PARP4: variants seen among roughly 807,000 people sequenced by gnomAD.
PARP4 encodes the protein poly(ADP-ribose) polymerase family member 4, also known as protein mono-ADP-ribosyltransferase PARP4.
In PARP4, 120 loss-of-function variants were observed where a neutral mutation model predicts 187.7. The observed-to-expected ratio is 0.64, with a 90% CI of 0.55 to 0.74. The LOEUF (loss-of-function observed/expected upper bound fraction) is 0.74, where lower values mean the gene tolerates loss of function less well. PARP4 is among the 30% of genes least tolerant of loss of function. The pLI is 0.00. For missense variants in PARP4, 1,836 were observed against 2,070.5 expected (o/e 0.89, Z 2.20); for synonymous variants, 654 against 740.9 (o/e 0.88, Z 1.90).
intron 1 of PARP4, 50 bp downstream of exon 1, chr13:24,512,656 C>T (rs1870084171): frequency 6.6e-6 from 1 of 152,588 alleles, no homozygotes; most frequent in South Asian, 2.1e-4. Flanking sequence ...CACTTCCTGG[C>T]TAGGACTACA....
chr13:24,477,878 T>G (rs768193122), intron 13 of PARP4, 21 bp from the exon 14 acceptor site: 3 of 1,528,114 alleles, frequency 2.0e-6, no homozygotes, highest in East Asian at 4.6e-5. Context: ...CAGAAATCAG[T>G]AGGTGATTAA....
chr13:24,427,698 G>A (rs368575234), intron 32 of PARP4, among the ~76,000 whole-genome samples: 1 of 152,040 alleles, frequency 6.6e-6, no homozygotes, highest in South Asian at 2.1e-4. Flanking sequence ...AAAACTGCTC[G>A]TAAGTGGGCT....
chr13:24,466,581 G>A (rs182636818), intron 17 of PARP4, among the ~76,000 whole-genome samples: 48 of 152,170 alleles, frequency 3.2e-4, no homozygotes, highest in African/African-American at 1.1e-3. Context: ...AATCACTTGA[G>A]GTTAGCGGTT....
chr13:24,494,905 T>C (rs1324415041), intron 6 of PARP4, among the ~76,000 whole-genome samples, 183 bp from the exon 7 acceptor site: 3 of 151,506 alleles, frequency 2.0e-5, no homozygotes, highest in Non-Finnish European at 2.9e-5. Context: ...AGGGTCTTGC[T>C]CTGTCGCCCA....
intron 1 of PARP4, 56 bp from the exon 2 acceptor site, chr13:24,503,833 T>G (rs1869451242): frequency 6.8e-7 from 1 of 1,471,600 alleles, no homozygotes; most frequent in African/African-American, 1.4e-5. Context: ...ACAGTGAATT[T>G]AGAATTATTA....
At chr13:24,510,410 C>T (rs1034828422) in intron 1 of PARP4, among the ~76,000 whole-genome samples, 27 of 151,894 alleles carry the variant, frequency 1.8e-4, no homozygotes, top group African/African-American at 5.6e-4. Context: ...AAAAATTAGC[C>T]GGGCGTAGTG....
chr13:24,484,608 C>T (rs187963468), intron 12 of PARP4, 45 bp downstream of exon 12: 18 of 1,274,286 alleles, frequency 1.4e-5, no homozygotes, highest in Admixed American at 1.4e-4. Context: ...AGAAAATACA[C>T]AGCAAGTATT....
At chr13:24,468,175 T>G (rs1448854716) in intron 17 of PARP4, among the ~76,000 whole-genome samples, 1 of 152,172 alleles carries the variant, frequency 6.6e-6, no homozygotes, top group African/African-American at 2.4e-5. Context: ...ATCTAGCACC[T>G]GCCAGAGGCC....
At position 24,494,721 on chromosome 13, in the gene PARP4, G is replaced by C; in HGVS notation, c.593C>G (p.Thr198Ser). 3 of 1,598,296 alleles carry C rather than the reference G, an allele frequency of 1.9e-6. No individual in the cohort carries two copies. Among genetic ancestry groups the C allele is most frequent in the Non-Finnish European group, 2.6e-6 (3 of 1,170,156 alleles). Reference sequence around the variant, plus strand: ...TTTCTTTATAGCAAACTGTCTTCTAGTCTGTGAATTATGGTGTATAGCAAA... The same window carrying C: ...TTTCTTTATAGCAAACTGTCTTCTACTCTGTGAATTATGGTGTATAGCAAA... ...SHFLLDDGME[T>S]RRQFAIKKTS... The change falls in exon 7 of 34, where the codon ACT becomes AGT. Residue 198 changes from threonine to serine, a missense_variant and splice_region_variant. Thr to Ser is a moderately conservative substitution (Grantham distance 58). Around this residue, in one of 8 missense-constraint regions of PARP4, gnomAD observed 1,147 missense variants for 1,214.2 expected, o/e 0.94. Transcript: ENST00000381989.
At chr13:24,473,386 A>G (rs1872819190) in intron 15 of PARP4, among the ~76,000 whole-genome samples, 2 of 152,208 alleles carry the variant, frequency 1.3e-5, no homozygotes, top group Non-Finnish European at 2.9e-5. Flanking sequence ...AATGTTAAAT[A>G]AATAAGGGCA....
At chr13:24,452,997 C>T (rs1871609996) in intron 23 of PARP4, among the ~76,000 whole-genome samples, 1 of 152,030 alleles carries the variant, frequency 6.6e-6, no homozygotes, top group Non-Finnish European at 1.5e-5. Context: ...TGCAGTGGCA[C>T]AATCTCGGCT....
At chr13:24,472,706 T>C (rs1317177013) in intron 15 of PARP4, among the ~76,000 whole-genome samples, 1 of 152,172 alleles carries the variant, frequency 6.6e-6, no homozygotes, top group Non-Finnish European at 1.5e-5. Context: ...ATCCTGTGAC[T>C]GTGGATGATG....
chr13:24,455,677 G>C (rs1442796054), intron 21 of PARP4, among the ~76,000 whole-genome samples: 3 of 141,318 alleles, frequency 2.1e-5, no homozygotes, highest in Admixed American at 7.0e-5. Context: ...GTATGCAGTG[G>C]CACGATCACA....
intron 2 of PARP4, among the ~76,000 whole-genome samples, chr13:24,502,841 A>G (rs1258338985): frequency 6.6e-6 from 1 of 152,248 alleles, no homozygotes; most frequent in African/African-American, 2.4e-5. Flanking sequence ...GGAAGTAAAC[A>G]GGGACATTGC....
chr13:24,445,334 AC>A (rs1871158394), intron 27 of PARP4, among the ~76,000 whole-genome samples: 1 of 151,880 alleles, frequency 6.6e-6, no homozygotes, highest in African/African-American at 2.4e-5. Context: ...TAATGAGGTG[AC>A]TTTTAGAAAG....
At chr13:24,508,582 C>T (rs940411786) in intron 1 of PARP4, among the ~76,000 whole-genome samples, 16 of 152,146 alleles carry the variant, frequency 1.1e-4, no homozygotes, top group African/African-American at 2.9e-4. Flanking sequence ...GGTGAGACCT[C>T]GGCTCACGGC....
intron 33 of PARP4, among the ~76,000 whole-genome samples, 184 bp downstream of exon 33, chr13:24,426,282 G>A (rs1259749583): frequency 6.6e-6 from 1 of 152,050 alleles, no homozygotes; most frequent in Non-Finnish European, 1.5e-5. Flanking sequence ...GCAGCCCAAG[G>A]CACAAATACA....
chr13:24,434,266 C>CA, intron 31 of PARP4, 129 bp downstream of exon 31: 2 of 618,242 alleles, frequency 3.2e-6, no homozygotes, highest in Non-Finnish European at 4.6e-6. Context: ...ATGATTTATA[C>CA]CCAGTGTACA....
intron 20 of PARP4, 100 bp downstream of exon 20, chr13:24,458,944 G>A: frequency 1.2e-6 from 1 of 813,674 alleles, no homozygotes; most frequent in Non-Finnish European, 2.1e-6. Flanking sequence ...TAGAAGTTTT[G>A]TCAGCATTAT....
Sources: allele counts gnomAD v4.1 joint callset (sites outside exome capture counted in the v4.1 genomes callset), GRCh38; gene constraint gnomAD v4.1.1; regional missense constraint gnomAD v4.1.1; transcripts MANE v1.5; gene names NCBI Gene and HGNC (gene_info 2026-07-23, HGNC 2026-07-21).